The following NALF1 variants were observed in gnomAD, a reference collection of about 807,000 sequenced individuals.
NALF1 encodes NALCN channel auxiliary factor 1.
A neutral mutation model predicts 48.4 loss-of-function variants in NALF1; 3 were observed. That is an observed-to-expected ratio of 0.06 (90% CI 0.03 to 0.16). NALF1 has a LOEUF of 0.16. Ranked by LOEUF, NALF1 falls within the 10% of genes least tolerant of loss-of-function variation. NALF1 has a pLI of 1.00. For synonymous variants in NALF1, 262 were observed against 245.7 expected, an observed-to-expected ratio of 1.07 and a Z score of -0.62; for missense variants, 526 against 571.5, an observed-to-expected ratio of 0.92 and a Z score of 0.81.
intron 1 of NALF1, among the ~76,000 whole-genome samples, chr13:107,535,393 G>T (rs1161055863): frequency 6.6e-6 from 1 of 152,072 alleles, no homozygotes. Context: ...AGCATGAAGG[G>T]CTGTTGAATT....
intron 1 of NALF1, among the ~76,000 whole-genome samples, chr13:107,440,740 C>G (rs183992652): frequency 6.6e-6 from 1 of 152,016 alleles, no homozygotes; most frequent in South Asian, 2.1e-4. Flanking sequence ...GTGAACTAAC[C>G]GAATTCTCCA....
Position 107,169,336 on chromosome 13 carries a change from A to T in NALF1, c.*1161T>A, listed in dbSNP as rs1878740996. 1 of 152,240 alleles carries T rather than the reference A, an allele frequency of 6.6e-6. No homozygotes were observed. The highest frequency in any genetic ancestry group is 1.5e-5 in the Non-Finnish European group (1 of 68,048). The allele number at this position is 152,240 out of a possible 1,614,324, so 9.4% of individuals were successfully genotyped here. A position where few individuals can be genotyped will look rare whatever the true frequency, so the allele number is the denominator to read the frequency against. On this transcript the variant is annotated 3_prime_UTR_variant, in exon 3 of 3. Transcript: ENST00000375915. Reference sequence around the variant, plus strand: ...TGGAATAAAATTGTGTATATTCTGTATATTGCAGGTGTTTGAGCATTTCTA... The same window carrying T: ...TGGAATAAAATTGTGTATATTCTGTTTATTGCAGGTGTTTGAGCATTTCTA...
chr13:107,780,126 G>T (rs1877845283), intron 1 of NALF1, among the ~76,000 whole-genome samples: 1 of 151,278 alleles, frequency 6.6e-6, no homozygotes, highest in Non-Finnish European at 1.5e-5. Context: ...TTTGTTTGTG[G>T]CCCGTGGCAA....
At chr13:107,240,895 GT>G (rs1880452925) in intron 1 of NALF1, among the ~76,000 whole-genome samples, 1 of 151,714 alleles carries the variant, frequency 6.6e-6, no homozygotes, top group Admixed American at 6.6e-5. Context: ...TCTTAGAATG[GT>G]GTCTTAGTTC....
chr13:107,210,123 A>G (rs577481412), intron 2 of NALF1, among the ~76,000 whole-genome samples: 28 of 152,266 alleles, frequency 1.8e-4, no homozygotes, highest in Admixed American at 1.7e-3. Flanking sequence ...TGCTCTTAAT[A>G]CTTTTTACAG....
chr13:107,605,090 T>C (rs1340187770), intron 1 of NALF1, among the ~76,000 whole-genome samples: 2 of 152,194 alleles, frequency 1.3e-5, no homozygotes, highest in Non-Finnish European at 2.9e-5. Flanking sequence ...TCATGGAGTT[T>C]ATCACACATT....
chr13:107,554,185 G>A (rs1468850649), intron 1 of NALF1, among the ~76,000 whole-genome samples: 2 of 152,160 alleles, frequency 1.3e-5, no homozygotes, highest in Non-Finnish European at 2.9e-5. Flanking sequence ...AGCCGAACTC[G>A]AGGCTGTGCC....
At chr13:107,637,040 G>GT (rs1224777693) in intron 1 of NALF1, among the ~76,000 whole-genome samples, 13 of 151,688 alleles carry the variant, frequency 8.6e-5, no homozygotes, top group Non-Finnish European at 4.4e-5. Flanking sequence ...ACTGCCTACG[G>GT]TATCAGTACA....
At chr13:107,288,436 T>C (rs1049379307) in intron 1 of NALF1, among the ~76,000 whole-genome samples, 3 of 152,072 alleles carry the variant, frequency 2.0e-5, no homozygotes, top group Admixed American at 6.5e-5. Flanking sequence ...GTCAGGCTGG[T>C]CTTGCACTCC....
chr13:107,703,150 C>G (rs538123990), intron 1 of NALF1, among the ~76,000 whole-genome samples: 1 of 152,086 alleles, frequency 6.6e-6, no homozygotes, highest in Admixed American at 6.6e-5. Context: ...ATATTCAACC[C>G]TGTCACTCTT....
chr13:107,365,075 T>C (rs1883131101), intron 1 of NALF1, among the ~76,000 whole-genome samples: 1 of 145,584 alleles, frequency 6.9e-6, no homozygotes. Flanking sequence ...CCTCTTCCTT[T>C]TATTCCTTCT....
intron 1 of NALF1, among the ~76,000 whole-genome samples, chr13:107,446,773 G>T (rs1310574043): frequency 6.6e-6 from 1 of 152,052 alleles, no homozygotes; most frequent in Admixed American, 6.6e-5. Context: ...ACATTGTTCT[G>T]CAATCTTACT....
chr13:107,818,405 C>T (rs10161844), intron 1 of NALF1, among the ~76,000 whole-genome samples: 21,168 of 152,014 alleles, frequency 0.14, 1,948 homozygotes, highest in East Asian at 0.46. Context: ...ATTGGAGACA[C>T]TGGAGGAAGT....
At chr13:107,595,675 T>C (rs1454759734) in intron 1 of NALF1, among the ~76,000 whole-genome samples, 1 of 152,196 alleles carries the variant, frequency 6.6e-6, no homozygotes, top group African/African-American at 2.4e-5. Context: ...GCAAAGATTT[T>C]ATAAACATGC....
At chr13:107,706,040 A>C (rs552260830) in intron 1 of NALF1, among the ~76,000 whole-genome samples, 8 of 152,308 alleles carry the variant, frequency 5.3e-5, no homozygotes, top group Non-Finnish European at 1.0e-4. Context: ...AGAAAGAATC[A>C]GTTTTATCTC....
intron 1 of NALF1, among the ~76,000 whole-genome samples, chr13:107,752,639 T>C (rs1876971995): frequency 6.6e-6 from 1 of 152,186 alleles, no homozygotes; most frequent in African/African-American, 2.4e-5. Flanking sequence ...TTCACTTATA[T>C]ATGAAATCTT....
chr13:107,843,725 G>A (rs538961791), intron 1 of NALF1, among the ~76,000 whole-genome samples: 137 of 152,144 alleles, frequency 9.0e-4, no homozygotes, highest in Middle Eastern at 3.4e-3. Flanking sequence ...GCCTTCCCTG[G>A]TATGGAGGCC....
At chr13:107,431,237 A>T (rs139751394) in intron 1 of NALF1, among the ~76,000 whole-genome samples, 80 of 152,160 alleles carry the variant, frequency 5.3e-4, no homozygotes, top group African/African-American at 1.7e-3. Context: ...TGTCCTAATA[A>T]ATTCATTATC....
intron 1 of NALF1, among the ~76,000 whole-genome samples, chr13:107,621,601 G>T (rs985878031): frequency 6.6e-6 from 1 of 152,172 alleles, no homozygotes; most frequent in Non-Finnish European, 1.5e-5. Flanking sequence ...TCTACTATAG[G>T]TGTTATTACT....
Sources: allele counts gnomAD v4.1 joint callset (sites outside exome capture counted in the v4.1 genomes callset), GRCh38; gene constraint gnomAD v4.1.1; transcripts MANE v1.5; gene names NCBI Gene and HGNC (gene_info 2026-07-23, HGNC 2026-07-21).